Variants in GNB1 observed in about 807,000 individuals in gnomAD.
The protein encoded by GNB1 is G protein subunit beta 1, also known as guanine nucleotide-binding protein G(I)/G(S)/G(T) subunit beta-1.
Under a neutral mutation model 42.9 loss-of-function variants are expected in GNB1, and 2 were observed. That is an observed-to-expected ratio of 0.05 (90% CI 0.02 to 0.15). The LOEUF (loss-of-function observed/expected upper bound fraction) is 0.15, where lower values mean the gene tolerates loss of function less well. Among genes scored for constraint, GNB1 ranks in the 10% least tolerant of loss-of-function variants. GNB1 has a pLI of 1.00. For synonymous variants in GNB1, 183 were observed against 174.7 expected (o/e 1.05, Z -0.38); for missense variants, 193 against 462.2 (o/e 0.42, Z 5.34).
chr1:1,830,463 G>A (rs1647060779), intron 2 of GNB1, among the ~76,000 whole-genome samples: 2 of 150,940 alleles, frequency 1.3e-5, no homozygotes, highest in Non-Finnish European at 3.0e-5. Context: ...GGGTTTCACC[G>A]TGGTCTCCAT....
chr1:1,880,523 T>C (rs536337492), intron 1 of GNB1, among the ~76,000 whole-genome samples: 1 of 151,488 alleles, frequency 6.6e-6, no homozygotes, highest in Non-Finnish European at 1.5e-5. Context: ...GAGGCGGAGC[T>C]GGCAGTGAGC....
chr1:1,798,547 G>C (rs1343302983), intron 7 of GNB1, among the ~76,000 whole-genome samples: 1 of 152,156 alleles, frequency 6.6e-6, no homozygotes, highest in Non-Finnish European at 1.5e-5. Context: ...TGTATCTGTA[G>C]CCATCTTGAT....
At chr1:1,818,770 G>A (rs1646891403) in intron 3 of GNB1, among the ~76,000 whole-genome samples, 2 of 152,114 alleles carry the variant, frequency 1.3e-5, no homozygotes, top group African/African-American at 2.4e-5. Flanking sequence ...GGCTGAGGCA[G>A]GAGAATCACT....
chr1:1,880,565 G>A (rs899433407), intron 1 of GNB1, among the ~76,000 whole-genome samples: 2 of 151,676 alleles, frequency 1.3e-5, no homozygotes, highest in Non-Finnish European at 2.9e-5. Context: ...CAGCCTGGGC[G>A]ACAGAGAGAG....
intron 1 of GNB1, among the ~76,000 whole-genome samples, chr1:1,841,653 CTGAAA>C (rs1647246835): frequency 6.6e-6 from 1 of 152,196 alleles, no homozygotes; most frequent in African/African-American, 2.4e-5. Flanking sequence ...AATCAACAAA[CTGAAA>C]TATCTCCCAG....
At chr1:1,884,797 C>T (rs1439849538) in intron 1 of GNB1, among the ~76,000 whole-genome samples, 1 of 151,942 alleles carries the variant, frequency 6.6e-6, no homozygotes, top group Non-Finnish European at 1.5e-5. Context: ...ATTCTCCTGC[C>T]TCAGCCTCCC....
At chr1:1,886,394 A>G (rs1340652133) in intron 1 of GNB1, among the ~76,000 whole-genome samples, 1 of 152,214 alleles carries the variant, frequency 6.6e-6, no homozygotes, top group Non-Finnish European at 1.5e-5. Context: ...TTCTTCAATC[A>G]AAGTTCTAGA....
intron 1 of GNB1, among the ~76,000 whole-genome samples, chr1:1,877,316 AAT>A (rs1553206589): frequency 4.2e-4 from 51 of 121,694 alleles, no homozygotes; most frequent in African/African-American, 1.3e-3. Context: ...AAAAAAAAAA[AAT>A]ATATATATAT....
intron 1 of GNB1, among the ~76,000 whole-genome samples, chr1:1,847,995 A>T (rs921839636): frequency 6.6e-6 from 1 of 152,066 alleles, no homozygotes; most frequent in Admixed American, 6.6e-5. Flanking sequence ...ACTGCACTTG[A>T]CTTCTTTAGG....
intron 7 of GNB1, among the ~76,000 whole-genome samples, chr1:1,803,841 G>T (rs1646658251): frequency 6.6e-6 from 1 of 152,040 alleles, no homozygotes; most frequent in Admixed American, 6.6e-5. Context: ...AATTAGCTGG[G>T]CGTGGTGGCG....
At chr1:1,872,650 C>T (rs1479037900) in intron 1 of GNB1, among the ~76,000 whole-genome samples, 1 of 152,152 alleles carries the variant, frequency 6.6e-6, no homozygotes, top group East Asian at 1.9e-4. Context: ...TCCTTGCCTA[C>T]CTGGTTCCTT....
At chr1:1,830,656 C>A (rs142911635) in intron 2 of GNB1, among the ~76,000 whole-genome samples, 234 of 152,210 alleles carry the variant, frequency 1.5e-3, no homozygotes, top group African/African-American at 5.5e-3. Context: ...CATCCTTCTA[C>A]CTTAGCCTCC....
intron 2 of GNB1, among the ~76,000 whole-genome samples, chr1:1,829,381 T>C (rs1647045047): frequency 6.6e-6 from 1 of 152,138 alleles, no homozygotes; most frequent in Non-Finnish European, 1.5e-5. Flanking sequence ...ACAATCAAAT[T>C]GAAAAAAATT....
At chr1:1,803,259 T>C (rs1422878633) in intron 7 of GNB1, among the ~76,000 whole-genome samples, 2 of 152,248 alleles carry the variant, frequency 1.3e-5, no homozygotes, top group Non-Finnish European at 2.9e-5. Context: ...AAAATCTTGG[T>C]GAAATAATAG....
intron 1 of GNB1, among the ~76,000 whole-genome samples, chr1:1,877,834 C>G (rs541500895): frequency 1.3e-5 from 2 of 152,254 alleles, no homozygotes; most frequent in East Asian, 3.9e-4. Context: ...GCAAGATTAA[C>G]TGGGTGTTGA....
At chr1:1,852,068 C>T (rs1299261040) in intron 1 of GNB1, among the ~76,000 whole-genome samples, 1 of 150,764 alleles carries the variant, frequency 6.6e-6, no homozygotes, top group African/African-American at 2.5e-5. Context: ...AAGAGACATT[C>T]ACTTTACTGG....
chr1:1,848,779 T>C (rs1196361270), intron 1 of GNB1, among the ~76,000 whole-genome samples: 1 of 152,182 alleles, frequency 6.6e-6, no homozygotes, highest in Non-Finnish European at 1.5e-5. Context: ...AGGTTAGCAC[T>C]CCTAATCCCT....
chr1:1,834,311 C>T (rs1570687998), intron 2 of GNB1, among the ~76,000 whole-genome samples: 1 of 152,198 alleles, frequency 6.6e-6, no homozygotes, highest in African/African-American at 2.4e-5. Flanking sequence ...GAAGTGGCTA[C>T]TGACTCTCCC....
chr1:1,880,912 T>A (rs1042537038), intron 1 of GNB1, among the ~76,000 whole-genome samples: 6 of 78,470 alleles, frequency 7.6e-5, no homozygotes, highest in African/African-American at 1.9e-4. Flanking sequence ...AAGAGCATTA[T>A]CAGGCTACGA....
Sources: allele counts gnomAD v4.1 joint callset (sites outside exome capture counted in the v4.1 genomes callset), GRCh38; gene constraint gnomAD v4.1.1; transcripts MANE v1.5; gene names NCBI Gene and HGNC (gene_info 2026-07-23, HGNC 2026-07-21).